The following KIAA1217 variants were observed in gnomAD, a reference collection of about 807,000 sequenced individuals.
KIAA1217 encodes sickle tail protein homolog.
A neutral mutation model predicts 163.9 loss-of-function variants in KIAA1217; 88 were observed. The observed-to-expected ratio is 0.54, with a 90% CI of 0.45 to 0.64. KIAA1217 has a LOEUF of 0.64. Among genes scored for constraint, KIAA1217 ranks in the 30% least tolerant of loss-of-function variants. The pLI is 0.00. For synonymous variants in KIAA1217, 903 were observed against 923.1 expected (o/e 0.98, Z 0.39); for missense variants, 2,372 against 2,475.0 (o/e 0.96, Z 0.88).
At chr10:23,995,449 CCT>C (rs1846425158) in intron 1 of KIAA1217, among the ~76,000 whole-genome samples, 1 of 79,590 alleles carries the variant, frequency 1.3e-5, no homozygotes, top group African/African-American at 5.0e-5. Flanking sequence ...CCAATTATGG[CCT>C]GTGTGTGTGT....
chr10:24,077,617 T>G (rs1368720055), intron 2 of KIAA1217, among the ~76,000 whole-genome samples: 3 of 152,244 alleles, frequency 2.0e-5, no homozygotes, highest in African/African-American at 7.2e-5. Context: ...GTCTTTGCTA[T>G]TATGAATAGT....
At chr10:24,222,295 A>G (rs1372777484) in intron 2 of KIAA1217, among the ~76,000 whole-genome samples, 3 of 152,178 alleles carry the variant, frequency 2.0e-5, no homozygotes, top group East Asian at 1.9e-4. Flanking sequence ...GTCACATTCT[A>G]TCTTTCTGCC....
At chr10:23,846,295 A>G (rs966630257) in intron 1 of KIAA1217, among the ~76,000 whole-genome samples, 3 of 152,120 alleles carry the variant, frequency 2.0e-5, no homozygotes, top group African/African-American at 7.2e-5. Context: ...TGATGGGGAT[A>G]GCATTGAATC....
intron 1 of KIAA1217, among the ~76,000 whole-genome samples, chr10:23,994,926 T>G (rs1174474012): frequency 1.3e-5 from 2 of 152,210 alleles, no homozygotes; most frequent in African/African-American, 4.8e-5. Flanking sequence ...TTCACTGGTT[T>G]CAAGATCTGA....
intron 3 of KIAA1217, among the ~76,000 whole-genome samples, chr10:24,418,482 G>A (rs1162253856): frequency 6.6e-6 from 1 of 151,956 alleles, no homozygotes; most frequent in Non-Finnish European, 1.5e-5. Context: ...TCACATTGAT[G>A]CTTTTTAAAT....
chr10:24,017,532 G>C (rs939663601), intron 2 of KIAA1217, among the ~76,000 whole-genome samples: 1 of 151,940 alleles, frequency 6.6e-6, no homozygotes, highest in Admixed American at 6.6e-5. Context: ...AAATAAACCT[G>C]AAAAAGTAAC....
rs78746869 is a variant in KIAA1217 at position 24,098,496 on chromosome 10, C to T, written c.-171+91122C>T. 7.4e-3 allele frequency among the ~76,000 whole-genome samples: 1,132 copies of T among 152,202 alleles called. 9 individuals are homozygous for T. Among genetic ancestry groups the T allele is most frequent in the African/African-American group, 0.025 (1,054 of 41,538 alleles). On this transcript the variant is annotated intron_variant, in intron 2 of 18. Transcript: ENST00000376462. The stretch of plus-strand genomic sequence containing the variant: ...TGTTCTGTGAGTGGAGAAGGGTCTA[C>T]TCAGCTATATCTAGAGACCAAAGGC...
intron 1 of KIAA1217, among the ~76,000 whole-genome samples, chr10:23,951,707 A>C (rs767699097): frequency 1.3e-5 from 2 of 152,154 alleles, no homozygotes; most frequent in Non-Finnish European, 2.9e-5. Context: ...TGATGTTTTT[A>C]GTCTGCCGTG....
chr10:24,114,335 T>TATA (rs965048714), intron 2 of KIAA1217, among the ~76,000 whole-genome samples: 15 of 151,432 alleles, frequency 9.9e-5, no homozygotes, highest in South Asian at 2.1e-4. Context: ...AAACTTAAAG[T>TATA]ATAATAATAA....
intron 1 of KIAA1217, among the ~76,000 whole-genome samples, chr10:23,960,691 T>C (rs1422105030): frequency 6.6e-6 from 1 of 152,224 alleles, no homozygotes; most frequent in African/African-American, 2.4e-5. Context: ...TTAAATAATG[T>C]CCTAGATAGC....
chr10:24,177,820 A>T (rs1297955911), intron 2 of KIAA1217, among the ~76,000 whole-genome samples: 1 of 152,122 alleles, frequency 6.6e-6, no homozygotes, highest in Admixed American at 6.6e-5. Flanking sequence ...ATGCCCTGTA[A>T]AAAACAAAAT....
In KIAA1217 at chr10:24,125,452, A is replaced by G. The variant is rs542703131; in HGVS notation, c.-170-94174A>G. Among the ~76,000 whole-genome samples, 41 of 151,946 alleles carry G rather than the reference A, an allele frequency of 2.7e-4. 1 individual carries two copies. The highest frequency in any genetic ancestry group is 5.0e-4 in the Non-Finnish European group (34 of 67,998). ...TCTCATGTAATTGTAAGCTACATTT[A>G]TAATGAATTGACCATTTTTGGCTAG... On this transcript the variant is annotated intron_variant, in intron 2 of 18. Transcript: ENST00000376462.
chr10:24,220,468 T>C lies in KIAA1217; in HGVS notation c.354+559T>C, dbSNP rs867395983. Among the ~76,000 whole-genome samples the C allele has an allele frequency of 3.3e-3, 446 of 134,098 alleles. 2 individuals carry two copies. In the East Asian group the frequency reaches 0.052, roughly 16 times the overall value. 88.0% of individuals were successfully genotyped at this position (134,098 alleles called of 152,430 possible). A position where few individuals can be genotyped will look rare whatever the true frequency, so the allele number is the denominator to read the frequency against. ...CTTCTTTTTTTTTTTTTTTTTTTTT[T>C]TTTTGAGATGGAGTCTTGCTCTGTC... is the stretch of plus-strand genomic sequence containing the variant. On this transcript the variant is annotated intron_variant, in intron 2 of 20. Coordinates refer to ENST00000376454, the MANE Select transcript of KIAA1217 (RefSeq NM_019590.5).
intron 12 of KIAA1217, among the ~76,000 whole-genome samples, chr10:24,522,893 T>C (rs1460336984): frequency 6.6e-6 from 1 of 152,152 alleles, no homozygotes; most frequent in Non-Finnish European, 1.5e-5. Context: ...GAGAATTACT[T>C]GAACCCAGGA....
At chr10:24,391,527 T>C (rs917011767) in intron 3 of KIAA1217, among the ~76,000 whole-genome samples, 2 of 151,930 alleles carry the variant, frequency 1.3e-5, no homozygotes, top group Non-Finnish European at 2.9e-5. Flanking sequence ...GTATTTTTAA[T>C]AAAGACAAGG....
intron 2 of KIAA1217, among the ~76,000 whole-genome samples, chr10:24,266,177 C>G (rs2076218991): frequency 6.6e-6 from 1 of 151,418 alleles, no homozygotes; most frequent in African/African-American, 2.4e-5. Context: ...CTCCCGGGTT[C>G]AAGCAATTCT....
intron 1 of KIAA1217, among the ~76,000 whole-genome samples, chr10:23,799,070 T>C (rs1836347066): frequency 6.6e-6 from 1 of 152,170 alleles, no homozygotes; most frequent in East Asian, 1.9e-4. Flanking sequence ...AAATTTTTGG[T>C]GTTCCTTGGC....
chr10:23,821,259 G>A (rs797010358), intron 1 of KIAA1217, among the ~76,000 whole-genome samples: 2 of 152,112 alleles, frequency 1.3e-5, no homozygotes, highest in South Asian at 4.1e-4. Context: ...TTAAGTGTCA[G>A]TTCCAGTCAA....
At chr10:24,462,139 GGT>G (rs2062471405) in intron 5 of KIAA1217, among the ~76,000 whole-genome samples, 1 of 150,894 alleles carries the variant, frequency 6.6e-6, no homozygotes, top group East Asian at 1.9e-4. Context: ...AATATCGATA[GGT>G]ATATATAAGT....
Sources: gnomAD v4.1 joint callset for allele counts (sites outside exome capture counted in the v4.1 genomes callset) on GRCh38, gnomAD v4.1.1 for gene constraint, MANE v1.5 for transcripts, NCBI Gene and HGNC (gene_info 2026-07-23, HGNC 2026-07-21) for gene names.